SLC10A7: variants seen among roughly 807,000 people sequenced by gnomAD.
SLC10A7 encodes the protein sodium/bile acid cotransporter 7.
SLC10A7 carries 29 observed loss-of-function variants against 43.2 expected under a neutral mutation model. The ratio of observed to expected loss-of-function variants is 0.67; its 90% CI spans 0.50 to 0.92. The LOEUF is 0.92. SLC10A7 is among the 40% of genes least tolerant of loss of function. SLC10A7 has a pLI of 0.00. For synonymous variants in SLC10A7, 152 were observed against 144.8 expected, an observed-to-expected ratio of 1.05 and a Z score of -0.35; for missense variants, 295 against 403.2, an observed-to-expected ratio of 0.73 and a Z score of 2.30.
In SLC10A7 at chr4:146,455,884, C is replaced by A. The variant is rs569234931; in HGVS notation, c.397-13063G>T. On this transcript the variant is annotated intron_variant, in intron 4 of 11. Transcript: ENST00000335472. ...ACTTAACTTTTTATTGGAGTTTTTT[C>A]TAATGTTAGGTCCCCTGAGAAAATT... 1.3e-4 allele frequency among the ~76,000 whole-genome samples: 20 copies of A among 151,864 alleles called. No individual in the cohort carries two copies. In the East Asian group the frequency reaches 3.7e-3, roughly 28 times the overall value.
In SLC10A7 at chr4:146,434,537, C is replaced by T. The variant is rs145730946; in HGVS notation, c.435+8246G>A. ...TAAAAAGCAATAATTGAGATGATAA[C>T]CTACTGCATTACGTGAAGTTGTTTT... On this transcript the variant is annotated intron_variant, in intron 5 of 11. Coordinates refer to ENST00000335472, the MANE Select transcript of SLC10A7 (RefSeq NM_001029998.6). 1.3e-3 allele frequency among the ~76,000 whole-genome samples: 195 copies of T among 152,156 alleles called. 1 individual carries two copies. Among genetic ancestry groups the T allele is most frequent in the African/African-American group, 4.5e-3 (187 of 41,526 alleles).
Position 146,293,923 on chromosome 4 carries a change from AACTT to A in SLC10A7, c.721+3_721+6del, listed in dbSNP as rs1345007712. ...GGATAGCCAGGCTATCCCATTTTCC[AACTT>A]ACTTATGAACAGTATGAGAACAAGG... On this transcript the variant is annotated splice_donor_5th_base_variant and intron_variant, in intron 8 of 11. Transcript: ENST00000335472. 2 of 1,601,052 alleles carry A rather than the reference AACTT, an allele frequency of 1.2e-6. No individual in the cohort carries two copies. The highest frequency in any genetic ancestry group is 1.7e-6 in the Non-Finnish European group (2 of 1,171,388).
intron 4 of SLC10A7, among the ~76,000 whole-genome samples, chr4:146,473,474 G>A (rs879813333): frequency 1.3e-5 from 2 of 151,980 alleles, no homozygotes; most frequent in African/African-American, 4.8e-5. Context: ...TATTTACCAC[G>A]TTACATAAGA....
At chr4:146,377,429 T>C (rs1737284944) in intron 5 of SLC10A7, among the ~76,000 whole-genome samples, 1 of 152,196 alleles carries the variant, frequency 6.6e-6, no homozygotes, top group Non-Finnish European at 1.5e-5. Flanking sequence ...CACCCCTGGA[T>C]GCTGCTGTGG....
At chr4:146,351,054 G>A (rs1172396251) in intron 5 of SLC10A7, among the ~76,000 whole-genome samples, 1 of 151,384 alleles carries the variant, frequency 6.6e-6, no homozygotes, top group Non-Finnish European at 1.5e-5. Context: ...CGAGCTGAGA[G>A]AAGAAGGCTT....
intron 5 of SLC10A7, among the ~76,000 whole-genome samples, chr4:146,441,414 C>CA (rs1380348115): frequency 6.6e-6 from 1 of 152,156 alleles, no homozygotes; most frequent in African/African-American, 2.4e-5. Flanking sequence ...TTTAGTCACT[C>CA]AGACAATTGT....
At chr4:146,326,036 G>T in intron 5 of SLC10A7, 40 bp from the exon 6 acceptor site, 1 of 1,584,064 alleles carries the variant, frequency 6.3e-7, no homozygotes, top group South Asian at 1.1e-5. Flanking sequence ...TTATCAGCCT[G>T]GAAAGCAGGA....
chr4:146,334,713 C>G (rs1020484130), intron 5 of SLC10A7, among the ~76,000 whole-genome samples: 17 of 152,034 alleles, frequency 1.1e-4, no homozygotes, highest in African/African-American at 4.1e-4. Flanking sequence ...GAGGGTTTAA[C>G]TTGTAGAACA....
At chr4:146,474,381 T>C (rs933663050) in intron 4 of SLC10A7, among the ~76,000 whole-genome samples, 2 of 152,168 alleles carry the variant, frequency 1.3e-5, no homozygotes, top group Non-Finnish European at 2.9e-5. Context: ...ATGTAATGCA[T>C]CTTCCAAGTC....
intron 5 of SLC10A7, among the ~76,000 whole-genome samples, chr4:146,395,666 A>G (rs987397117): frequency 6.6e-6 from 1 of 152,230 alleles, no homozygotes; most frequent in Admixed American, 6.5e-5. Flanking sequence ...AACATCGGAC[A>G]TGCTTTTTAG....
intron 5 of SLC10A7, among the ~76,000 whole-genome samples, chr4:146,386,556 T>C (rs1164176765): frequency 6.6e-6 from 1 of 152,188 alleles, no homozygotes; most frequent in Non-Finnish European, 1.5e-5. Flanking sequence ...TGTATTCACA[T>C]ATTCTCTGTT....
chr4:146,362,905 A>G (rs915926534), intron 5 of SLC10A7, among the ~76,000 whole-genome samples: 2 of 151,950 alleles, frequency 1.3e-5, no homozygotes, highest in Admixed American at 1.3e-4. Flanking sequence ...ATACTGTGAG[A>G]GAAAAATTAC....
chr4:146,327,079 G>T (rs1179900175), intron 5 of SLC10A7, among the ~76,000 whole-genome samples: 1 of 152,014 alleles, frequency 6.6e-6, no homozygotes, highest in Non-Finnish European at 1.5e-5. Context: ...AAGAAAAAAA[G>T]TCCTTTTGGT....
At chr4:146,461,524 G>C (rs1459592073) in intron 4 of SLC10A7, among the ~76,000 whole-genome samples, 3 of 151,920 alleles carry the variant, frequency 2.0e-5, no homozygotes, top group African/African-American at 7.2e-5. Flanking sequence ...CATCACAGTG[G>C]GGAATGATTC....
At chr4:146,276,476 TTAA>T (rs1193868174) in intron 10 of SLC10A7, among the ~76,000 whole-genome samples, 1 of 152,204 alleles carries the variant, frequency 6.6e-6, no homozygotes, top group Non-Finnish European at 1.5e-5. Context: ...AAATGCCCAA[TTAA>T]TGTTTGCTGC....
At chr4:146,346,777 C>T (rs2062438) in intron 5 of SLC10A7, among the ~76,000 whole-genome samples, 73,414 of 151,836 alleles carry the variant, frequency 0.48, 18,092 homozygotes, top group East Asian at 0.62. Flanking sequence ...CCTATAAATT[C>T]GAACAATTTA....
chr4:146,371,082 G>A lies in SLC10A7; in HGVS notation c.436-45086C>T, dbSNP rs569422384. On this transcript the variant is annotated intron_variant, in intron 5 of 11. Transcript: ENST00000335472. Reference sequence around the variant, plus strand: ...CTTTTTCTAGAACTAGGGCTTCAAAGATAGATATGCTTCTTGCCCACAGGG... The same window carrying A: ...CTTTTTCTAGAACTAGGGCTTCAAAAATAGATATGCTTCTTGCCCACAGGG... Among the ~76,000 whole-genome samples, 3 of 152,248 alleles carry A rather than the reference G, an allele frequency of 2.0e-5. No homozygotes were observed. In the East Asian group the frequency reaches 5.8e-4, roughly 29 times the overall value.
chr4:146,447,429 T>A (rs1028329605), intron 4 of SLC10A7, among the ~76,000 whole-genome samples: 5 of 152,182 alleles, frequency 3.3e-5, no homozygotes, highest in African/African-American at 4.8e-5. Flanking sequence ...ATATAGCAGT[T>A]CTTTTGTTAT....
chr4:146,357,894 G>A (rs1369316975), intron 5 of SLC10A7, among the ~76,000 whole-genome samples: 1 of 152,120 alleles, frequency 6.6e-6, no homozygotes, highest in African/African-American at 2.4e-5. Flanking sequence ...TACAGGTCAA[G>A]TAACCCGAAA....
Sources: allele counts gnomAD v4.1 joint callset (sites outside exome capture counted in the v4.1 genomes callset), GRCh38; gene constraint gnomAD v4.1.1; transcripts MANE v1.5; gene names NCBI Gene and HGNC (gene_info 2026-07-23, HGNC 2026-07-21).